AMZ2: variants seen among roughly 807,000 people sequenced by gnomAD.
AMZ2 encodes archaelysin family metallopeptidase 2.
In AMZ2, 26 loss-of-function variants were observed where a neutral mutation model predicts 36.7. The ratio of observed to expected loss-of-function variants is 0.71; its 90% CI spans 0.52 to 0.98. The LOEUF is 0.98. AMZ2 is among the 50% of genes least tolerant of loss of function. The pLI is 0.00. For missense variants in AMZ2, 394 were observed against 430.5 expected (o/e 0.92, Z 0.75); for synonymous variants, 144 against 149.1 (o/e 0.97, Z 0.25).
At chr17:68,207,587 G>A (rs1213455243) in intron 1 of AMZ2, 1 of 152,174 alleles carries the variant, frequency 6.6e-6, no homozygotes, top group African/African-American at 2.4e-5. Context: ...AACTTGAAAA[G>A]TTTCTGATTT....
intron 1 of AMZ2, among the ~76,000 whole-genome samples, chr17:68,219,987 T>A (rs2073305558): frequency 6.6e-6 from 1 of 152,188 alleles, no homozygotes; most frequent in Non-Finnish European, 1.5e-5. Context: ...CAAATTGTGA[T>A]GAGAATCTGA....
rs1460142226 is a variant in AMZ2 at position 68,215,469 on chromosome 17, G to A, written c.-67+9231G>A. On this transcript the variant is annotated intron_variant, in intron 1 of 7. Transcript: ENST00000674770. ...CTCAGGAAGCTGAGGCACAGGAATCGCTTGAACCTAGGAGGCGGAGGTTGC... is the reference window on the plus strand; with the variant it reads ...CTCAGGAAGCTGAGGCACAGGAATCACTTGAACCTAGGAGGCGGAGGTTGC... 1.0e-4 allele frequency among the ~76,000 whole-genome samples: 14 copies of A among 137,092 alleles called. 2 individuals are homozygous for A. Among genetic ancestry groups the A allele is most frequent in the Non-Finnish European group, 1.8e-4 (11 of 61,324 alleles). 89.9% of individuals were successfully genotyped at this position (137,092 alleles called of 152,430 possible).
intron 4 of AMZ2, among the ~76,000 whole-genome samples, chr17:68,252,721 C>T (rs1555740492): frequency 6.6e-6 from 1 of 151,904 alleles, no homozygotes; most frequent in African/African-American, 2.4e-5. Context: ...ATGGGATCTC[C>T]CTGTGTTGGT....
chr17:68,248,579 T>A lies in AMZ2; in HGVS notation c.-127T>A. On this transcript the variant is annotated 5_prime_UTR_variant, in exon 1 of 7. Coordinates refer to ENST00000359904, the MANE Select transcript of AMZ2 (RefSeq NM_016627.5). Reference sequence around the variant, plus strand: ...GCTTGGGAGGCAAGAGGAGGCCTCCTGACCTTTCACACTGCCTTTTTAATA... The same window carrying A: ...GCTTGGGAGGCAAGAGGAGGCCTCCAGACCTTTCACACTGCCTTTTTAATA... 1 of 986,006 alleles carries A rather than the reference T, an allele frequency of 1.0e-6. No homozygotes were observed. The highest frequency in any genetic ancestry group is 4.7e-5 in the South Asian group (1 of 21,288). The allele number at this position is 986,006 out of a possible 1,614,324, so 61.1% of individuals were successfully genotyped here. A position where few individuals can be genotyped will look rare whatever the true frequency, so the allele number is the denominator to read the frequency against.
upstream of AMZ2, among the ~76,000 whole-genome samples, chr17:68,246,215 A>G (rs1386424965): frequency 6.6e-6 from 1 of 150,822 alleles, no homozygotes; most frequent in East Asian, 1.9e-4. Flanking sequence ...AAAAAAAAAA[A>G]AAATTAGCCG....
At position 68,255,746 on chromosome 17, in the gene AMZ2, A is replaced by G; in HGVS notation, c.797A>G (p.Gln266Arg). 3 of 1,614,232 alleles carry G rather than the reference A, an allele frequency of 1.9e-6. No individual in the cohort carries two copies. Among genetic ancestry groups the G allele is most frequent in the Non-Finnish European group, 8.5e-7 (1 of 1,180,030 alleles). The change falls in exon 6 of 7, where the codon CAG (glutamine) becomes CGG (arginine). Residue 266 changes from glutamine (Q) to arginine (R), a missense_variant. Coordinates refer to ENST00000359904, the MANE Select transcript of AMZ2 (RefSeq NM_016627.5). ...CACATATTTGGACTGCGACACTGCC[A>G]GTGGCTTGCATGCCTCATGCAAGGC... ...IGHIFGLRHCQWLACLMQGSN... is the reference protein window; with the variant it reads ...IGHIFGLRHCRWLACLMQGSN...
Position 68,255,839 on chromosome 17 carries a change from A to C in AMZ2, c.890A>C (p.Gln297Pro). 6.2e-7 allele frequency: 1 copy of C among 1,614,142 alleles called. No individual in the cohort carries two copies. The highest frequency in any genetic ancestry group is 1.1e-5 in the South Asian group (1 of 91,084). Residue 297 changes from glutamine (Q) to proline (P), a missense_variant, in exon 6 of 7, where the codon CAG becomes CCG. Transcript: ENST00000359904. ...NLCPICLHKLQCAVGFSIVER... is the reference protein window; with the variant it reads ...NLCPICLHKLPCAVGFSIVER... ...TGCCCTATCTGTTTGCACAAGTTGCAGTGTGCTGTTGGCTTCAGCATTGTA... is the reference window on the plus strand; with the variant it reads ...TGCCCTATCTGTTTGCACAAGTTGCCGTGTGCTGTTGGCTTCAGCATTGTA...
chr17:68,216,887 GC>G (rs1357592152), intron 1 of AMZ2, among the ~76,000 whole-genome samples: 2 of 152,200 alleles, frequency 1.3e-5, no homozygotes, highest in African/African-American at 4.8e-5. Context: ...AAAAAAATTA[GC>G]CAGGCGTGGT....
chr17:68,217,798 A>G (rs2073236512), intron 1 of AMZ2, among the ~76,000 whole-genome samples: 1 of 148,536 alleles, frequency 6.7e-6, no homozygotes, highest in Non-Finnish European at 1.5e-5. Context: ...AGTGAAGCAT[A>G]TAATAAAAAA....
At chr17:68,223,090 CAG>C (rs2073410852) in intron 1 of AMZ2, among the ~76,000 whole-genome samples, 1 of 151,994 alleles carries the variant, frequency 6.6e-6, no homozygotes, top group South Asian at 2.1e-4. Context: ...GAGACAGAGA[CAG>C]AGAAATAAAG....
chr17:68,233,312 C>T (rs1555731714), intron 1 of AMZ2, among the ~76,000 whole-genome samples: 1 of 152,068 alleles, frequency 6.6e-6, no homozygotes, highest in Non-Finnish European at 1.5e-5. Flanking sequence ...AGGTCGAGAC[C>T]AGCCTAGCCA....
intron 1 of AMZ2, among the ~76,000 whole-genome samples, chr17:68,211,851 T>C (rs1246910118): frequency 6.9e-5 from 10 of 145,254 alleles, no homozygotes; most frequent in Non-Finnish European, 1.5e-4. Flanking sequence ...CATGTATATA[T>C]ATGTATATGT....
At chr17:68,229,332 C>T (rs1165163749) in intron 1 of AMZ2, among the ~76,000 whole-genome samples, 17 of 152,132 alleles carry the variant, frequency 1.1e-4, no homozygotes, top group Admixed American at 7.9e-4. Flanking sequence ...TGCCTGTCCC[C>T]ACACCCACCC....
At chr17:68,208,021 A>G (rs1259926731) in intron 1 of AMZ2, among the ~76,000 whole-genome samples, 3 of 152,006 alleles carry the variant, frequency 2.0e-5, no homozygotes, top group African/African-American at 7.2e-5. Context: ...GCTGTGCTCA[A>G]TTTCTCGCAG....
rs1555741550 is a variant in AMZ2 at position 68,254,427 on chromosome 17, A to G, written c.610A>G (p.Arg204Gly). 1 of 1,612,740 alleles carries G rather than the reference A, an allele frequency of 6.2e-7. No individual in the cohort carries two copies. The highest frequency in any genetic ancestry group is 2.2e-5 in the East Asian group (1 of 44,874). ...AGGTGTGGGGATATTCAGCTTTGCCAGGTATGGCAGTGATTTTTATAGCAT... is the reference window on the plus strand; with the variant it reads ...AGGTGTGGGGATATTCAGCTTTGCCGGGTATGGCAGTGATTTTTATAGCAT... The part of the protein sequence containing the change: ...TDGVGIFSFA[R>G]YGSDFYSMHY... The change falls in exon 5 of 7, where the codon AGG becomes GGG. Residue 204 changes from arginine (R) to glycine (G), a missense_variant. Transcript: ENST00000359904.
At chr17:68,214,080 G>C (rs1448426694) in intron 1 of AMZ2, among the ~76,000 whole-genome samples, 2 of 144,602 alleles carry the variant, frequency 1.4e-5, no homozygotes, top group East Asian at 4.0e-4. Flanking sequence ...CTTCTAAGTT[G>C]CTGCTTCCTA....
At chr17:68,253,756 G>A (rs1176383216) in intron 4 of AMZ2, among the ~76,000 whole-genome samples, 1 of 106,842 alleles carries the variant, frequency 9.4e-6, no homozygotes, top group Non-Finnish European at 1.8e-5. Context: ...TATTGTTCAT[G>A]TGATTTTTTT....
chr17:68,206,132 G>A, exon 1 of AMZ2: 1 of 1,307,340 alleles, frequency 7.6e-7, no homozygotes, highest in South Asian at 3.2e-5. Context: ...AGATGGAGGA[G>A]GACGAGGCTG....
At chr17:68,222,637 G>C (rs546448466) in intron 1 of AMZ2, among the ~76,000 whole-genome samples, 1 of 152,318 alleles carries the variant, frequency 6.6e-6, no homozygotes, top group Admixed American at 6.5e-5. Flanking sequence ...CTTGATGGGA[G>C]ACAGCGATAG....
Sources: allele counts gnomAD v4.1 joint callset (sites outside exome capture counted in the v4.1 genomes callset), GRCh38; gene constraint gnomAD v4.1.1; transcripts MANE v1.5; gene names NCBI Gene and HGNC (gene_info 2026-07-23, HGNC 2026-07-21).